Variants in UBR2 observed in about 807,000 individuals in gnomAD.
UBR2 encodes the protein ubiquitin protein ligase E3 component n-recognin 2, also known as E3 ubiquitin-protein ligase UBR2.
Under a neutral mutation model 247.9 loss-of-function variants are expected in UBR2, and 92 were observed. That is an observed-to-expected ratio of 0.37 (90% CI 0.31 to 0.44). The LOEUF (loss-of-function observed/expected upper bound fraction) is 0.44, where lower values mean the gene tolerates loss of function less well. Among genes scored for constraint, UBR2 ranks in the 20% least tolerant of loss-of-function variants. UBR2 has a pLI of 1.00. For missense variants in UBR2, 1,613 were observed against 2,112.6 expected (o/e 0.76, Z 4.64); for synonymous variants, 672 against 693.5 (o/e 0.97, Z 0.49).
At chr6:42,658,520 CT>C in intron 28 of UBR2, 125 bp from the exon 29 acceptor site, 8 of 1,166,760 alleles carry the variant, frequency 6.9e-6, no homozygotes, top group Non-Finnish European at 9.4e-6. Context: ...AGTCTTTTCT[CT>C]TATTTAAATA....
chr6:42,614,714 G>A (rs1368541309), intron 8 of UBR2, among the ~76,000 whole-genome samples: 1 of 152,132 alleles, frequency 6.6e-6, no homozygotes, highest in Non-Finnish European at 1.5e-5. Flanking sequence ...ATTATGGAAT[G>A]TATAACACTT....
intron 1 of UBR2, 33 bp downstream of exon 1, chr6:42,564,430 C>G (rs775673315): frequency 1.3e-6 from 2 of 1,593,784 alleles, no homozygotes; most frequent in Middle Eastern, 1.9e-4. Context: ...GTGCGTCTGC[C>G]CCTCGCAGGC....
At chr6:42,566,667 C>T (rs911366147) in intron 1 of UBR2, among the ~76,000 whole-genome samples, 6 of 152,176 alleles carry the variant, frequency 3.9e-5, no homozygotes, top group Non-Finnish European at 5.9e-5. Context: ...GGATTACAGG[C>T]GTGAGCCACC....
intron 1 of UBR2, among the ~76,000 whole-genome samples, chr6:42,570,745 G>A (rs1248696860): frequency 1.3e-5 from 2 of 151,632 alleles, no homozygotes; most frequent in African/African-American, 4.9e-5. Context: ...GTGCAGTGGC[G>A]TGATCATGCC....
chr6:42,671,859 T>A (rs1418821284), intron 36 of UBR2, among the ~76,000 whole-genome samples: 1 of 152,154 alleles, frequency 6.6e-6, no homozygotes, highest in Non-Finnish European at 1.5e-5. Context: ...ATCCAAATGA[T>A]CCCCACCTGT....
chr6:42,603,665 A>G lies in UBR2; in HGVS notation c.609A>G (p.Val203=). ...TTGCTATTACGTTTCGGTATGCAGT[A>G]GAAATATTAACCTGGGAAAAAGAAA... ...NIFAITFRYA[V]EILTWEKESE... is the part of the protein sequence containing the mutation. The change falls in exon 5 of 47, where the codon GTA becomes GTG. Residue 203 remains valine (V), a synonymous_variant. Coordinates refer to ENST00000372901, the MANE Select transcript of UBR2 (RefSeq NM_001363705.2). The G allele has an allele frequency of 1.2e-6, 2 of 1,602,620 alleles. No individual in the cohort carries two copies. Among genetic ancestry groups the G allele is most frequent in the Non-Finnish European group, 1.7e-6 (2 of 1,177,508 alleles).
Position 42,648,237 on chromosome 6 carries a change from GTTTTC to G in UBR2, c.2462+71_2462+75del, listed in dbSNP as rs1202920119. ...CCAGTACATTCATTTTTCTTAGAGT[GTTTTC>G]TTTGATGCAACTGAGAATGAAGTTG... On this transcript the variant is annotated intron_variant, in intron 22 of 46. Coordinates refer to ENST00000372901, the MANE Select transcript of UBR2 (RefSeq NM_001363705.2). 8.9e-6 allele frequency: 12 copies of G among 1,355,686 alleles called. No individual in the cohort carries two copies. In the East Asian group the frequency reaches 2.1e-4, roughly 23 times the overall value. 84.0% of individuals were successfully genotyped at this position (1,355,686 alleles called of 1,614,324 possible).
At chr6:42,638,558 C>T (rs1350415236) in intron 15 of UBR2, among the ~76,000 whole-genome samples, 1 of 152,090 alleles carries the variant, frequency 6.6e-6, no homozygotes, top group Non-Finnish European at 1.5e-5. Context: ...AAGAAGAAAT[C>T]TCTCTTATTT....
chr6:42,616,470 G>A (rs1362250841), intron 10 of UBR2, among the ~76,000 whole-genome samples: 2 of 151,660 alleles, frequency 1.3e-5, no homozygotes, highest in East Asian at 3.9e-4. Context: ...TTTAAAATTA[G>A]CATTGCAGTC....
chr6:42,639,227 A>G (rs2151956160), intron 15 of UBR2, among the ~76,000 whole-genome samples: 1 of 152,236 alleles, frequency 6.6e-6, no homozygotes, highest in East Asian at 1.9e-4. Context: ...GGCTTGAGTA[A>G]ATGGCCATTA....
At chr6:42,639,356 G>T (rs1414766108) in intron 15 of UBR2, among the ~76,000 whole-genome samples, 1 of 152,200 alleles carries the variant, frequency 6.6e-6, no homozygotes, top group Non-Finnish European at 1.5e-5. Context: ...ACTTTGGGAG[G>T]CCGAGGCCAG....
intron 40 of UBR2, among the ~76,000 whole-genome samples, chr6:42,677,747 G>A (rs1798797041): frequency 6.6e-6 from 1 of 152,108 alleles, no homozygotes; most frequent in South Asian, 2.1e-4. Context: ...CTCCAGACTG[G>A]ACAAAAGAGT....
Position 42,637,214 on chromosome 6 carries a change from A to T in UBR2, c.1858+20A>T, listed in dbSNP as rs750924169. ...TTGCAGGTAAAGCATTTCCCCTAAA[A>T]TAAAACCCTAAAATTATCTTTTAAA... is the stretch of plus-strand genomic sequence containing the variant. On this transcript the variant is annotated intron_variant, in intron 15 of 46. Transcript: ENST00000372901. The T allele has an allele frequency of 6.3e-7, 1 of 1,598,770 alleles. No homozygotes were observed. The highest frequency in any genetic ancestry group is 1.7e-5 in the Admixed American group (1 of 58,092).
Position 42,614,411 on chromosome 6 carries a change from T to C in UBR2, c.986-660T>C, listed in dbSNP as rs28704907. 7.9e-5 allele frequency among the ~76,000 whole-genome samples: 4 copies of C among 50,684 alleles called. 1 individual carries two copies. Among genetic ancestry groups the C allele is most frequent in the Non-Finnish European group, 8.4e-5 (2 of 23,822 alleles). The allele number at this position is 50,684 out of a possible 152,430, so 33.3% of individuals were successfully genotyped here. A position where few individuals can be genotyped will look rare whatever the true frequency, so the allele number is the denominator to read the frequency against. On this transcript the variant is annotated intron_variant, in intron 8 of 46. Coordinates refer to ENST00000372901, the MANE Select transcript of UBR2 (RefSeq NM_001363705.2). ...ATGTACGTACATACATACGTATGTATGTACGTACGTACATATATATGTATG... is the reference window on the plus strand; with the variant it reads ...ATGTACGTACATACATACGTATGTACGTACGTACGTACATATATATGTATG...
rs887360928 is a variant in UBR2, at chr6:42,635,885, C to T, written c.1674+339C>T. The stretch of plus-strand genomic sequence containing the variant: ...AAGTTTTATTATTGGTACATTTGTC[C>T]TGTGTCTTAAAATTATTTTGGCCTT... On this transcript the variant is annotated intron_variant, in intron 14 of 46. Coordinates refer to ENST00000372901, the MANE Select transcript of UBR2 (RefSeq NM_001363705.2). Among the ~76,000 whole-genome samples, 19 of 151,918 alleles carry T rather than the reference C, an allele frequency of 1.3e-4. 1 individual carries two copies. The highest frequency in any genetic ancestry group is 7.2e-4 in the Admixed American group (11 of 15,240).
intron 31 of UBR2, 105 bp downstream of exon 31, chr6:42,662,382 G>C (rs1483487820): frequency 5.6e-6 from 4 of 711,522 alleles, no homozygotes; most frequent in African/African-American, 3.7e-5. Flanking sequence ...AACTAAAAAT[G>C]TTGAAAAAAT....
At chr6:42,621,429 T>A (rs1794990537) in intron 11 of UBR2, among the ~76,000 whole-genome samples, 1 of 152,184 alleles carries the variant, frequency 6.6e-6, no homozygotes. Context: ...ATCTTCCAGC[T>A]TTATTCCTCA....
Position 42,632,725 on chromosome 6 carries a change from C to T in UBR2, c.1445+10C>T. On this transcript the variant is annotated intron_variant, in intron 12 of 46. Coordinates refer to ENST00000372901, the MANE Select transcript of UBR2 (RefSeq NM_001363705.2). Reference sequence around the variant, plus strand: ...TTATTTTAGATCTCAAGTAAGTTTTCATTTAATTATTAAACCAGTTGCAAT... The same window carrying T: ...TTATTTTAGATCTCAAGTAAGTTTTTATTTAATTATTAAACCAGTTGCAAT... The T allele has an allele frequency of 6.3e-7, 1 of 1,589,544 alleles. No homozygotes were observed. The highest frequency in any genetic ancestry group is 1.2e-5 in the South Asian group (1 of 86,754).
At chr6:42,565,271 G>T (rs1454123553) in intron 1 of UBR2, among the ~76,000 whole-genome samples, 3 of 152,202 alleles carry the variant, frequency 2.0e-5, no homozygotes, top group Admixed American at 6.5e-5. Flanking sequence ...AGATTGCCGA[G>T]AATGATTATG....
Sources: gnomAD v4.1 joint callset for allele counts (sites outside exome capture counted in the v4.1 genomes callset) on GRCh38, gnomAD v4.1.1 for gene constraint, MANE v1.5 for transcripts, NCBI Gene and HGNC (gene_info 2026-07-23, HGNC 2026-07-21) for gene names.